Variants in SUGCT observed in about 807,000 individuals in gnomAD.
SUGCT encodes the protein succinyl-CoA:glutarate-CoA transferase.
SUGCT carries 41 observed loss-of-function variants against 55.0 expected under a neutral mutation model. That is an observed-to-expected ratio of 0.74 (90% CI 0.58 to 0.97). The LOEUF is 0.97. Ranked by LOEUF, SUGCT falls within the 50% of genes least tolerant of loss-of-function variation. The pLI, the probability that SUGCT is intolerant of heterozygous loss-of-function variation, is 0.00. For synonymous variants in SUGCT, 187 were observed against 200.4 expected (o/e 0.93, Z 0.56); for missense variants, 568 against 547.8 (o/e 1.04, Z -0.37).
At chr7:40,389,442 AAAACAAAC>A (rs67574547) in intron 9 of SUGCT, among the ~76,000 whole-genome samples, 32 of 107,332 alleles carry the variant, frequency 3.0e-4, no homozygotes, top group Non-Finnish European at 4.2e-4. Flanking sequence ...CGCCTGTCTC[AAAACAAAC>A]AAACAAACAA....
At position 40,454,034 on chromosome 7, in the gene SUGCT, C is replaced by T. The variant is rs372631578; in HGVS notation, c.888+4676C>T. Among the ~76,000 whole-genome samples the T allele has an allele frequency of 6.6e-5, 10 of 152,110 alleles. No individual in the cohort carries two copies. In the East Asian group the frequency reaches 7.7e-4, roughly 12 times the overall value. On this transcript the variant is annotated intron_variant, in intron 10 of 13. Transcript: ENST00000335693. Reference sequence around the variant, plus strand: ...ACCAAGAAAAAAATTACACCTCACTCGTTGAGCTCAATAGTGCAATGAAGA... The same window carrying T: ...ACCAAGAAAAAAATTACACCTCACTTGTTGAGCTCAATAGTGCAATGAAGA...
intron 1 of SUGCT, chr7:40,152,339 G>A (rs1788618133): frequency 6.6e-6 from 1 of 152,264 alleles, no homozygotes; most frequent in Non-Finnish European, 1.5e-5. Flanking sequence ...CAGCCTGGAG[G>A]TTAGAACCAA....
rs377462759 is a variant in SUGCT at position 40,226,586 on chromosome 7, TC to T, written c.485-11048del. Among the ~76,000 whole-genome samples, 60 of 150,800 alleles carry T rather than the reference TC, an allele frequency of 4.0e-4. 1 individual carries two copies. The South Asian group carries it at 0.012, about 31-fold the overall frequency. On this transcript the variant is annotated intron_variant, in intron 6 of 13. Coordinates refer to ENST00000335693, the MANE Select transcript of SUGCT (RefSeq NM_001193313.2). ...AGAATCTTCAGAATAGAAAACTAAC[TC>T]TTTTTTTTTTTTTTCAGGTGTAGGG...
At chr7:40,158,407 T>C (rs1339347540) in intron 1 of SUGCT, among the ~76,000 whole-genome samples, 2 of 152,186 alleles carry the variant, frequency 1.3e-5, no homozygotes, top group Non-Finnish European at 2.9e-5. Context: ...TGAAGAGACA[T>C]AGAGTAGGAA....
Position 40,573,559 on chromosome 7 carries a change from A to C in SUGCT, c.1089+77173A>C, listed in dbSNP as rs149598720. On this transcript the variant is annotated intron_variant, in intron 12 of 13. Coordinates refer to ENST00000335693, the MANE Select transcript of SUGCT (RefSeq NM_001193313.2). Reference sequence around the variant, plus strand: ...TAGACATAAGATTTATAGGTGTATAATCTGTTTTGTATGGTGAAGTGAGGT... The same window carrying C: ...TAGACATAAGATTTATAGGTGTATACTCTGTTTTGTATGGTGAAGTGAGGT... Among the ~76,000 whole-genome samples, 1,189 of 152,346 alleles carry C rather than the reference A, an allele frequency of 7.8e-3. 21 individuals are homozygous for C. Among genetic ancestry groups the C allele is most frequent in the African/African-American group, 0.026 (1,076 of 41,578 alleles).
intron 9 of SUGCT, among the ~76,000 whole-genome samples, chr7:40,429,821 T>A (rs1787798463): frequency 1.3e-5 from 2 of 152,212 alleles, no homozygotes; most frequent in South Asian, 4.1e-4. Context: ...AGTTGACACT[T>A]AATATTAACC....
At chr7:40,766,154 A>G (rs1788777954) in intron 13 of SUGCT, among the ~76,000 whole-genome samples, 1 of 152,200 alleles carries the variant, frequency 6.6e-6, no homozygotes, top group Non-Finnish European at 1.5e-5. Flanking sequence ...GATACATATC[A>G]TCTATATACA....
the SUGCT span, among the ~76,000 whole-genome samples, chr7:41,001,998 T>C: frequency 1.3e-5 from 2 of 152,168 alleles, no homozygotes; most frequent in African/African-American, 4.8e-5. Context: ...ATTGGAACAG[T>C]CACCTTCTCA....
the SUGCT span, among the ~76,000 whole-genome samples, chr7:40,904,283 G>C: frequency 5.3e-5 from 8 of 152,264 alleles, no homozygotes; most frequent in East Asian, 1.5e-3. Context: ...ATCTAAATAG[G>C]GCAAATAAAG....
chr7:41,009,375 C>G, the SUGCT span, among the ~76,000 whole-genome samples: 1 of 152,200 alleles, frequency 6.6e-6, no homozygotes, highest in Non-Finnish European at 1.5e-5. Context: ...AGGAAGGAGA[C>G]TGAACTGAGT....
intron 1 of SUGCT, chr7:40,153,381 C>T (rs907049091): frequency 2.7e-6 from 1 of 369,382 alleles, no homozygotes; most frequent in Admixed American, 3.3e-5. Context: ...ATGTTTAAGG[C>T]TATTTTAAGT....
intron 9 of SUGCT, among the ~76,000 whole-genome samples, chr7:40,329,045 G>A (rs1796166290): frequency 6.6e-6 from 1 of 152,186 alleles, no homozygotes; most frequent in African/African-American, 2.4e-5. Flanking sequence ...TATGGAAACA[G>A]TTGGATTCGC....
the SUGCT span, among the ~76,000 whole-genome samples, chr7:40,882,063 T>C: frequency 1.1e-4 from 16 of 152,192 alleles, no homozygotes; most frequent in Admixed American, 1.0e-3. Flanking sequence ...TTGGAAGTTA[T>C]GAAATGTCCT....
At chr7:40,208,258 G>A (rs1365629683) in intron 6 of SUGCT, among the ~76,000 whole-genome samples, 1 of 152,162 alleles carries the variant, frequency 6.6e-6, no homozygotes, top group Non-Finnish European at 1.5e-5. Flanking sequence ...TCTGGAGATG[G>A]ATGGTGGTGA....
intron 9 of SUGCT, among the ~76,000 whole-genome samples, chr7:40,371,001 T>G (rs1233509836): frequency 6.6e-6 from 1 of 152,102 alleles, no homozygotes; most frequent in Non-Finnish European, 1.5e-5. Flanking sequence ...TTACACGACC[T>G]GGCCAGACTC....
intron 6 of SUGCT, among the ~76,000 whole-genome samples, chr7:40,207,924 C>T (rs1483510873): frequency 3.9e-5 from 6 of 152,130 alleles, no homozygotes. Flanking sequence ...GCATTATTCA[C>T]AGTAGCTAAA....
At position 40,623,563 on chromosome 7, in the gene SUGCT, A is replaced by C. The variant is rs569150171; in HGVS notation, c.1090-125871A>C. 7.4e-4 allele frequency among the ~76,000 whole-genome samples: 112 copies of C among 152,272 alleles called. 1 individual carries two copies. The highest frequency in any genetic ancestry group is 1.7e-3 in the South Asian group (8 of 4,820). On this transcript the variant is annotated intron_variant, in intron 12 of 13. Transcript: ENST00000335693. ...TTTATAGAAAATTATTAAGTTAATA[A>C]ATTTTATTAAAAGCAATACAATTCC... is the stretch of plus-strand genomic sequence containing the variant.
At chr7:40,564,535 A>G (rs549641583) in intron 12 of SUGCT, among the ~76,000 whole-genome samples, 1 of 152,378 alleles carries the variant, frequency 6.6e-6, no homozygotes, top group South Asian at 2.1e-4. Flanking sequence ...TTCTCTTTAT[A>G]AGAGTTAATT....
chr7:40,209,814 A>G (rs1787227839), intron 6 of SUGCT, among the ~76,000 whole-genome samples: 1 of 151,464 alleles, frequency 6.6e-6, no homozygotes, highest in Admixed American at 6.6e-5. Context: ...ACAAACAAAC[A>G]AAAGAATAAA....
Sources: allele counts gnomAD v4.1 joint callset (sites outside exome capture counted in the v4.1 genomes callset), GRCh38; gene constraint gnomAD v4.1.1; transcripts MANE v1.5; gene names NCBI Gene and HGNC (gene_info 2026-07-23, HGNC 2026-07-21).